Variants in AFG2A observed in about 807,000 individuals in gnomAD.
AFG2A encodes AAA ATPase AFG2A, also known as ATPase family gene 2 protein homolog A.
the AFG2A span, among the ~76,000 whole-genome samples, chr4:123,024,339 AAT>A: frequency 6.6e-6 from 1 of 152,134 alleles, no homozygotes; most frequent in African/African-American, 2.4e-5. Flanking sequence ...GAGAAATGTG[AAT>A]ATGAAAAAAA....
the AFG2A span, chr4:122,929,181 A>G: frequency 6.3e-7 from 1 of 1,598,424 alleles, no homozygotes; most frequent in Non-Finnish European, 8.5e-7. Flanking sequence ...GGCTGAGGAA[A>G]TGGATGTGGC....
chr4:123,290,006 C>G, the AFG2A span, among the ~76,000 whole-genome samples: 1 of 152,108 alleles, frequency 6.6e-6, no homozygotes, highest in Non-Finnish European at 1.5e-5. Context: ...CTGATGCTCT[C>G]TCTCCCTGCC....
chr4:123,282,176 A>C, the AFG2A span, among the ~76,000 whole-genome samples: 39 of 152,210 alleles, frequency 2.6e-4, no homozygotes, highest in Non-Finnish European at 4.4e-4. Context: ...TGTGAACCTC[A>C]AACTACCCTA....
At chr4:123,077,938 A>G in the AFG2A span, among the ~76,000 whole-genome samples, 1 of 152,234 alleles carries the variant, frequency 6.6e-6, no homozygotes, top group Non-Finnish European at 1.5e-5. Flanking sequence ...AAGAAATGTG[A>G]AAGACCCGTG....
the AFG2A span, among the ~76,000 whole-genome samples, chr4:123,200,039 C>T: frequency 6.6e-6 from 1 of 152,262 alleles, no homozygotes; most frequent in African/African-American, 2.4e-5. Context: ...GAACGTAGAA[C>T]TACTTTTGTT....
At chr4:123,004,070 C>A in the AFG2A span, among the ~76,000 whole-genome samples, 1 of 152,170 alleles carries the variant, frequency 6.6e-6, no homozygotes, top group African/African-American at 2.4e-5. Flanking sequence ...GACTGCTGTG[C>A]TAGGAATCAG....
At chr4:122,993,074 C>T in the AFG2A span, among the ~76,000 whole-genome samples, 1 of 151,914 alleles carries the variant, frequency 6.6e-6, no homozygotes. Context: ...CAGCCTTCAC[C>T]TACCAGGTTC....
the AFG2A span, among the ~76,000 whole-genome samples, chr4:123,099,572 G>A: frequency 3.3e-5 from 5 of 150,956 alleles, no homozygotes; most frequent in Admixed American, 6.6e-5. Context: ...TAACACGTAC[G>A]TTTTCTGAAG....
At chr4:123,267,835 A>G in the AFG2A span, among the ~76,000 whole-genome samples, 3 of 151,914 alleles carry the variant, frequency 2.0e-5, no homozygotes, top group Non-Finnish European at 2.9e-5. Context: ...CTAAGTAGTG[A>G]TACATCTTGA....
chr4:123,184,718 A>G, the AFG2A span, among the ~76,000 whole-genome samples: 2 of 150,338 alleles, frequency 1.3e-5, no homozygotes, highest in Admixed American at 1.3e-4. Context: ...TTGTATTTTT[A>G]GTAGAGACGG....
At chr4:123,061,791 A>C in the AFG2A span, among the ~76,000 whole-genome samples, 1 of 152,234 alleles carries the variant, frequency 6.6e-6, no homozygotes, top group Admixed American at 6.5e-5. Flanking sequence ...AAGATGGCAC[A>C]GAGTGTTACA....
the AFG2A span, among the ~76,000 whole-genome samples, chr4:123,136,655 CA>C: frequency 6.0e-5 from 9 of 150,574 alleles, no homozygotes; most frequent in Non-Finnish European, 1.3e-4. Flanking sequence ...GCCTGGGCAA[CA>C]AAAGCAAAAT....
At chr4:123,132,190 A>G in the AFG2A span, among the ~76,000 whole-genome samples, 1 of 152,146 alleles carries the variant, frequency 6.6e-6, no homozygotes, top group African/African-American at 2.4e-5. Context: ...ACACATATAC[A>G]TTGTTATTAA....
chr4:122,933,908 C>T, the AFG2A span, among the ~76,000 whole-genome samples: 2 of 152,168 alleles, frequency 1.3e-5, no homozygotes, highest in Non-Finnish European at 2.9e-5. Flanking sequence ...TTCAGAGAAT[C>T]ATTTCCTTCT....
the AFG2A span, among the ~76,000 whole-genome samples, chr4:123,253,210 C>T: frequency 5.3e-5 from 8 of 152,028 alleles, no homozygotes; most frequent in South Asian, 6.2e-4. Context: ...GGGCTGGGCA[C>T]GGTGGCTCAA....
chr4:123,202,479 G>A, the AFG2A span, among the ~76,000 whole-genome samples: 1 of 151,640 alleles, frequency 6.6e-6, no homozygotes, highest in Admixed American at 6.6e-5. Context: ...TTTGACATAT[G>A]ATACGTACAC....
the AFG2A span, among the ~76,000 whole-genome samples, chr4:123,209,271 A>G: frequency 3.3e-5 from 5 of 152,146 alleles, no homozygotes; most frequent in African/African-American, 4.8e-5. Context: ...CTCTAGGTAG[A>G]CAGTTTCAGA....
At chr4:122,923,233 C>T in the AFG2A span, 4 of 1,614,202 alleles carry the variant, frequency 2.5e-6, no homozygotes, top group African/African-American at 1.3e-5. Context: ...TGCGGAGGCA[C>T]GGGCTCCTTC....
the AFG2A span, among the ~76,000 whole-genome samples, chr4:123,265,386 T>C: frequency 6.6e-6 from 1 of 152,132 alleles, no homozygotes; most frequent in Non-Finnish European, 1.5e-5. Context: ...AACTTAACAA[T>C]TTTTAAAACT....
Sources: gnomAD v4.1 joint callset for allele counts (sites outside exome capture counted in the v4.1 genomes callset) on GRCh38, gnomAD v4.1.1 for gene constraint, MANE v1.5 for transcripts, NCBI Gene and HGNC (gene_info 2026-07-23, HGNC 2026-07-21) for gene names.